STPG2: variants seen among roughly 807,000 people sequenced by gnomAD.
STPG2 encodes sperm tail PG-rich repeat containing 2, also known as sperm-tail PG-rich repeat-containing protein 2.
In STPG2, 56 loss-of-function variants were observed where a neutral mutation model predicts 54.2. The ratio of observed to expected loss-of-function variants is 1.03; its 90% CI spans 0.83 to 1.29. The LOEUF (loss-of-function observed/expected upper bound fraction) is 1.29. STPG2 is among the 50% of genes most tolerant of loss of function. STPG2 has a pLI of 0.00. For synonymous variants in STPG2, 200 were observed against 181.8 expected (o/e 1.10, Z -0.81); for missense variants, 596 against 544.9 (o/e 1.09, Z -0.93).
chr4:97,984,147 T>C (rs1435120501), intron 5 of STPG2, among the ~76,000 whole-genome samples: 1 of 152,148 alleles, frequency 6.6e-6, no homozygotes. Context: ...TAAGAATTTG[T>C]TTCCAATTCT....
At chr4:97,817,940 C>T (rs1008788375) in intron 9 of STPG2, among the ~76,000 whole-genome samples, 3 of 151,546 alleles carry the variant, frequency 2.0e-5, no homozygotes, top group African/African-American at 7.3e-5. Context: ...TATATATATA[C>T]TCTGTCCTCA....
chr4:98,109,948 A>T (rs1234967694), intron 3 of STPG2, among the ~76,000 whole-genome samples: 1 of 152,188 alleles, frequency 6.6e-6, no homozygotes, highest in Non-Finnish European at 1.5e-5. Context: ...AAGTTTAAGC[A>T]CACTGTTTCA....
At chr4:97,654,472 T>C (rs1048837306) in intron 10 of STPG2, among the ~76,000 whole-genome samples, 8 of 152,200 alleles carry the variant, frequency 5.3e-5, no homozygotes, top group African/African-American at 1.9e-4. Flanking sequence ...ACAATTCCAC[T>C]TCCTGACCAT....
chr4:97,542,001 C>A (rs561887537), intron 4 of STPG2, among the ~76,000 whole-genome samples: 5 of 152,202 alleles, frequency 3.3e-5, no homozygotes, highest in East Asian at 3.9e-4. Context: ...AACGTTAGAC[C>A]TAAAACCATA....
At chr4:98,069,041 T>C (rs1204109093) in intron 5 of STPG2, among the ~76,000 whole-genome samples, 2 of 152,206 alleles carry the variant, frequency 1.3e-5, no homozygotes, top group South Asian at 4.1e-4. Context: ...TGCCACTGAA[T>C]TTCAGAATTT....
intron 10 of STPG2, among the ~76,000 whole-genome samples, chr4:97,695,205 T>C (rs1482277708): frequency 1.3e-5 from 2 of 151,870 alleles, no homozygotes; most frequent in Non-Finnish European, 2.9e-5. Flanking sequence ...CAAGTCAATA[T>C]GTGTGATATA....
Position 97,553,080 on chromosome 4 carries a change from T to G in STPG2, c.462+159619A>C, listed in dbSNP as rs371347633. 1.3e-3 allele frequency among the ~76,000 whole-genome samples: 197 copies of G among 152,306 alleles called. 4 individuals are homozygous for G. In the South Asian group the frequency reaches 0.039, roughly 30 times the overall value. ...AAGGAGATGGCAATGTTCCTCTTTA[T>G]AGTTCTCAAGTACATCTCTAATTTT... On this transcript the variant is annotated intron_variant, in intron 4 of 4. Coordinates refer to the STPG2 transcript ENST00000522676.
chr4:97,701,661 T>C (rs1421669790), intron 10 of STPG2, among the ~76,000 whole-genome samples: 1 of 152,178 alleles, frequency 6.6e-6, no homozygotes, highest in Non-Finnish European at 1.5e-5. Context: ...AATTAGTCTT[T>C]TGTCCATTCA....
At chr4:97,660,204 G>T (rs931178588) in intron 10 of STPG2, among the ~76,000 whole-genome samples, 1 of 152,070 alleles carries the variant, frequency 6.6e-6, no homozygotes, top group Non-Finnish European at 1.5e-5. Context: ...GGGTTTCACC[G>T]TATTAGCCAG....
chr4:98,027,754 T>A (rs577733201), intron 5 of STPG2, among the ~76,000 whole-genome samples: 1 of 152,322 alleles, frequency 6.6e-6, no homozygotes, highest in East Asian at 1.9e-4. Context: ...CCTCAGAGAA[T>A]AGGATGGCTC....
intron 10 of STPG2, among the ~76,000 whole-genome samples, chr4:97,621,259 A>C (rs1056424772): frequency 3.9e-5 from 6 of 152,192 alleles, no homozygotes; most frequent in Non-Finnish European, 5.9e-5. Context: ...AATAAACCCC[A>C]AAACTAGCAG....
At chr4:97,876,166 C>A (rs1057114011) in intron 8 of STPG2, among the ~76,000 whole-genome samples, 3 of 151,916 alleles carry the variant, frequency 2.0e-5, no homozygotes, top group African/African-American at 7.2e-5. Flanking sequence ...GTGGAACTTG[C>A]CTAATTAAAT....
chr4:97,486,829 G>GTGTGTATATA (rs1490371230), intron 4 of STPG2, among the ~76,000 whole-genome samples: 19 of 90,204 alleles, frequency 2.1e-4, no homozygotes, highest in African/African-American at 6.1e-4. Flanking sequence ...GTGTGTGTGT[G>GTGTGTATATA]TATATATATA....
At chr4:98,056,185 C>A (rs1313287688) in intron 5 of STPG2, among the ~76,000 whole-genome samples, 1 of 152,152 alleles carries the variant, frequency 6.6e-6, no homozygotes, top group Non-Finnish European at 1.5e-5. Context: ...ACCACCAGCA[C>A]CACACCCTAG....
chr4:97,941,187 T>C (rs769917772), intron 8 of STPG2, among the ~76,000 whole-genome samples: 19 of 152,084 alleles, frequency 1.2e-4, no homozygotes, highest in Non-Finnish European at 2.6e-4. Flanking sequence ...ATAAGTTATA[T>C]TTCTCATCCC....
In STPG2 at chr4:97,449,545, C is replaced by T. The variant is rs547826040; in HGVS notation, c.463-261712G>A. On this transcript the variant is annotated intron_variant, in intron 4 of 4. Coordinates refer to the STPG2 transcript ENST00000522676. The stretch of plus-strand genomic sequence containing the variant: ...TTGCAAAAAGGAGCTGATTAAAGAA[C>T]GAAATTAATGGAAGTCACTCAATCA... 7.9e-5 allele frequency among the ~76,000 whole-genome samples: 12 copies of T among 152,194 alleles called. No homozygotes were observed. In the South Asian group the frequency reaches 1.5e-3, roughly 18 times the overall value.
At chr4:98,000,530 A>C (rs940568826) in intron 5 of STPG2, among the ~76,000 whole-genome samples, 2 of 152,180 alleles carry the variant, frequency 1.3e-5, no homozygotes, top group African/African-American at 4.8e-5. Context: ...AGAAAAGAAC[A>C]TATATCTATT....
chr4:98,038,080 G>A (rs1736828895), intron 5 of STPG2, among the ~76,000 whole-genome samples: 1 of 151,806 alleles, frequency 6.6e-6, no homozygotes, highest in African/African-American at 2.4e-5. Context: ...TTGCTATGGT[G>A]CCCAGGCTAG....
intron 9 of STPG2, among the ~76,000 whole-genome samples, chr4:97,727,176 T>C (rs943406155): frequency 1.3e-5 from 2 of 151,870 alleles, no homozygotes; most frequent in African/African-American, 2.4e-5. Context: ...AAATGTAGAA[T>C]TATGTAAATA....
Sources: allele counts gnomAD v4.1 joint callset (sites outside exome capture counted in the v4.1 genomes callset), GRCh38; gene constraint gnomAD v4.1.1; transcripts MANE v1.5; gene names NCBI Gene and HGNC (gene_info 2026-07-23, HGNC 2026-07-21).